The following XXYLT1 variants were observed in gnomAD, a reference collection of about 807,000 sequenced individuals.
XXYLT1 encodes xyloside xylosyltransferase 1, also known as UDP-xylose:alpha-xyloside alpha-1,3-xylosyltransferase.
A neutral mutation model predicts 28.9 loss-of-function variants in XXYLT1; 20 were observed. The ratio of observed to expected loss-of-function variants is 0.69; its 90% CI spans 0.49 to 1.00. The LOEUF is 1.00. Ranked by LOEUF, XXYLT1 falls within the 50% of genes least tolerant of loss-of-function variation. The pLI, the probability that XXYLT1 is intolerant of heterozygous loss-of-function variation, is 0.00. For synonymous variants in XXYLT1, 257 were observed against 253.8 expected (o/e 1.01, Z -0.12); for missense variants, 542 against 560.1 (o/e 0.97, Z 0.33).
At chr3:195,229,980 A>G (rs1337230196) in intron 1 of XXYLT1, among the ~76,000 whole-genome samples, 1 of 152,086 alleles carries the variant, frequency 6.6e-6, no homozygotes, top group Non-Finnish European at 1.5e-5. Flanking sequence ...CTCCATAGTG[A>G]TTGTACTAAT....
intron 2 of XXYLT1, among the ~76,000 whole-genome samples, chr3:195,204,012 T>G (rs1722959447): frequency 6.6e-6 from 1 of 152,178 alleles, no homozygotes; most frequent in Non-Finnish European, 1.5e-5. Context: ...GGTTTTTGCT[T>G]CTAATAGAGC....
intron 3 of XXYLT1, among the ~76,000 whole-genome samples, chr3:195,090,821 G>A (rs1428009657): frequency 4.6e-5 from 7 of 150,586 alleles, no homozygotes; most frequent in South Asian, 2.1e-4. Context: ...TCAAATAGAC[G>A]CAATAAAAAA....
intron 2 of XXYLT1, among the ~76,000 whole-genome samples, chr3:195,219,754 G>C (rs1253304395): frequency 6.6e-6 from 1 of 152,222 alleles, no homozygotes; most frequent in African/African-American, 2.4e-5. Flanking sequence ...CCTCAAGACA[G>C]TAAGGCCCCC....
intron 2 of XXYLT1, among the ~76,000 whole-genome samples, chr3:195,202,034 A>G (rs867699800): frequency 1.6e-4 from 25 of 152,156 alleles, no homozygotes; most frequent in South Asian, 4.2e-4. Flanking sequence ...AAAATTAGCC[A>G]GGTGTGGTGG....
chr3:195,106,231 GAGGC>G (rs1717074474), intron 3 of XXYLT1, among the ~76,000 whole-genome samples: 1 of 148,514 alleles, frequency 6.7e-6, no homozygotes, highest in South Asian at 2.1e-4. Flanking sequence ...TCTCGACGGA[GAGGC>G]GCTCTTGCTG....
At chr3:195,267,249 T>A (rs1023560798) in intron 1 of XXYLT1, among the ~76,000 whole-genome samples, 1 of 152,246 alleles carries the variant, frequency 6.6e-6, no homozygotes, top group African/African-American at 2.4e-5. Flanking sequence ...CAGAGCCAAC[T>A]GAAGGGAAGA....
chr3:195,235,735 T>C (rs1724507293), intron 1 of XXYLT1, among the ~76,000 whole-genome samples: 1 of 152,192 alleles, frequency 6.6e-6, no homozygotes, highest in Admixed American at 6.5e-5. Flanking sequence ...GTATCTGCAT[T>C]AGGGGGCATA....
At chr3:195,087,494 A>G (rs1715798623) in intron 3 of XXYLT1, 1 of 152,334 alleles carries the variant, frequency 6.6e-6, no homozygotes, top group South Asian at 2.1e-4. Flanking sequence ...TGGAGCTGGT[A>G]GAGCACAGAG....
chr3:195,155,091 G>A (rs1193698494), intron 3 of XXYLT1, among the ~76,000 whole-genome samples: 4 of 152,228 alleles, frequency 2.6e-5, no homozygotes, highest in African/African-American at 9.6e-5. Flanking sequence ...CCACACGTGA[G>A]AGGATTATAT....
chr3:195,233,416 G>C (rs1724387262), intron 1 of XXYLT1, among the ~76,000 whole-genome samples: 1 of 151,992 alleles, frequency 6.6e-6, no homozygotes, highest in African/African-American at 2.4e-5. Context: ...TTTGTTATTT[G>C]TTTTCTAGCT....
At chr3:195,199,528 G>A (rs552964016) in intron 2 of XXYLT1, among the ~76,000 whole-genome samples, 41 of 152,142 alleles carry the variant, frequency 2.7e-4, no homozygotes, top group African/African-American at 8.7e-4. Flanking sequence ...GCAGAATGGC[G>A]TGAACCCGGG....
chr3:195,082,572 G>A (rs1233330027), intron 3 of XXYLT1, among the ~76,000 whole-genome samples: 1 of 152,210 alleles, frequency 6.6e-6, no homozygotes, highest in African/African-American at 2.4e-5. Flanking sequence ...GGATCTCTCG[G>A]CTGGGCACGG....
intron 2 of XXYLT1, among the ~76,000 whole-genome samples, chr3:195,163,162 T>C (rs573099398): frequency 6.6e-6 from 1 of 152,348 alleles, no homozygotes; most frequent in East Asian, 1.9e-4. Flanking sequence ...CCTTTTTGGA[T>C]AGAATTATCA....
chr3:195,099,658 G>A (rs757906897), intron 3 of XXYLT1, among the ~76,000 whole-genome samples: 4 of 151,850 alleles, frequency 2.6e-5, no homozygotes, highest in East Asian at 1.9e-4. Context: ...TTGAAACCCC[G>A]TCTCTACTAA....
chr3:195,200,808 C>T lies in XXYLT1; in HGVS notation c.652+25901G>A, dbSNP rs371285470. On this transcript the variant is annotated intron_variant, in intron 2 of 3. Transcript: ENST00000310380. ...GAGCTGTGGGCCACAAGAAGGAATG[C>T]TGGGCTCTGGCCTGTGGTCCAACAG... Among the ~76,000 whole-genome samples the T allele has an allele frequency of 3.9e-5, 6 of 152,182 alleles. No homozygotes were observed. In the East Asian group the frequency reaches 9.6e-4, roughly 24 times the overall value.
intron 1 of XXYLT1, among the ~76,000 whole-genome samples, chr3:195,229,447 A>G (rs1007209596): frequency 1.3e-5 from 2 of 152,184 alleles, no homozygotes; most frequent in Non-Finnish European, 2.9e-5. Context: ...TTTTTACTGT[A>G]GTCATCCTAT....
chr3:195,236,951 C>T (rs1475075685), intron 1 of XXYLT1, among the ~76,000 whole-genome samples: 6 of 152,142 alleles, frequency 3.9e-5, no homozygotes, highest in African/African-American at 1.4e-4. Context: ...CCTACCGTGA[C>T]TGAGCTGGTA....
At chr3:195,175,575 G>A in intron 2 of XXYLT1, 1 of 1,535,570 alleles carries the variant, frequency 6.5e-7, no homozygotes, top group Non-Finnish European at 8.7e-7. Flanking sequence ...AGGTCTGGGT[G>A]TTTCAGAAGC....
chr3:195,235,829 GA>G (rs892179282), intron 1 of XXYLT1, among the ~76,000 whole-genome samples: 7 of 142,924 alleles, frequency 4.9e-5, no homozygotes, highest in African/African-American at 1.7e-4. Flanking sequence ...AGAATTCTCC[GA>G]ATTACTTGTT....
Sources: allele counts gnomAD v4.1 joint callset (sites outside exome capture counted in the v4.1 genomes callset), GRCh38; gene constraint gnomAD v4.1.1; transcripts MANE v1.5; gene names NCBI Gene and HGNC (gene_info 2026-07-23, HGNC 2026-07-21).